The following KCNK17 variants were observed in gnomAD, a reference collection of about 807,000 sequenced individuals.
The protein encoded by KCNK17 is potassium two pore domain channel subfamily K member 17, also known as potassium channel subfamily K member 17.
Under a neutral mutation model 24.6 loss-of-function variants are expected in KCNK17, and 27 were observed. That is an observed-to-expected ratio of 1.10 (90% CI 0.81 to 1.51). The LOEUF is 1.51. Among genes scored for constraint, KCNK17 ranks in the 40% most tolerant of loss-of-function variants. The pLI is 0.00. For missense variants in KCNK17, 450 were observed against 436.6 expected, an observed-to-expected ratio of 1.03 and a Z score of -0.27; for synonymous variants, 181 against 189.8, an observed-to-expected ratio of 0.95 and a Z score of 0.38.
intron 4 of KCNK17, among the ~76,000 whole-genome samples, chr6:39,301,738 A>T (rs1021403201): frequency 1.3e-5 from 2 of 152,212 alleles, no homozygotes; most frequent in African/African-American, 4.8e-5. Flanking sequence ...GGGGAGGAGT[A>T]GCCGGATGGG....
rs896617600 is a variant in KCNK17, at chr6:39,299,196, C to G, written c.*231G>C. On this transcript the variant is annotated 3_prime_UTR_variant, in exon 5 of 5. Coordinates refer to ENST00000373231, the MANE Select transcript of KCNK17 (RefSeq NM_031460.4). ...CCATCATATCGGCGGCATTGCAGCC[C>G]GCTAAAGTAAGGAAGTGGGGGAGAA... The G allele has an allele frequency of 3.8e-6, 2 of 531,382 alleles. No individual in the cohort carries two copies. Among genetic ancestry groups the G allele is most frequent in the Non-Finnish European group, 6.7e-6 (2 of 299,212 alleles). 32.9% of individuals were successfully genotyped at this position (531,382 alleles called of 1,614,324 possible). A position where few individuals can be genotyped will look rare whatever the true frequency, so the allele number is the denominator to read the frequency against.
At chr6:39,300,234 T>C in intron 4 of KCNK17, 1 of 524,814 alleles carries the variant, frequency 1.9e-6, no homozygotes. Flanking sequence ...GCGATTCTCC[T>C]GCCTCAGCCT....
intron 2 of KCNK17, among the ~76,000 whole-genome samples, chr6:39,310,651 C>T (rs1262829865): frequency 6.6e-6 from 1 of 152,124 alleles, no homozygotes; most frequent in Non-Finnish European, 1.5e-5. Context: ...TAGAGCAGTG[C>T]TTGTCAAACT....
In KCNK17 at chr6:39,306,307, G is replaced by A. The variant is rs375564577; in HGVS notation, c.353-1652C>T. 2.1e-3 allele frequency among the ~76,000 whole-genome samples: 320 copies of A among 152,338 alleles called. 3 individuals are homozygous for A. The highest frequency in any genetic ancestry group is 6.8e-3 in the Middle Eastern group (2 of 294). Reference sequence around the variant, plus strand: ...GATCTGCCCGCCTTGGCCTACCAAAGTGCTGGGATTACAGGCGTGAGCCAC... The same window carrying A: ...GATCTGCCCGCCTTGGCCTACCAAAATGCTGGGATTACAGGCGTGAGCCAC... On this transcript the variant is annotated intron_variant, in intron 2 of 4. Transcript: ENST00000373231.
intron 3 of KCNK17, 53 bp downstream of exon 3, chr6:39,304,442 A>T: frequency 6.7e-7 from 1 of 1,488,154 alleles, no homozygotes; most frequent in South Asian, 1.1e-5. Context: ...TTCCCACCAC[A>T]GCCCCTCATT....
intron 2 of KCNK17, among the ~76,000 whole-genome samples, chr6:39,308,011 T>C (rs1189849365): frequency 6.6e-6 from 1 of 152,194 alleles, no homozygotes; most frequent in Non-Finnish European, 1.5e-5. Flanking sequence ...AATGTTACTG[T>C]ATCAGCTTCA....
intron 4 of KCNK17, among the ~76,000 whole-genome samples, chr6:39,302,838 A>C (rs1410591429): frequency 6.6e-6 from 1 of 152,158 alleles, no homozygotes; most frequent in East Asian, 1.9e-4. Context: ...GAGATCCAGA[A>C]GGGGGCAGTG....
intron 1 of KCNK17, among the ~76,000 whole-genome samples, chr6:39,313,360 C>G (rs952189363): frequency 6.6e-5 from 10 of 152,202 alleles, no homozygotes; most frequent in Non-Finnish European, 1.5e-4. Context: ...TCCTTGTGTC[C>G]GAAGACTCGG....
chr6:39,311,698 A>C (rs907626179), intron 1 of KCNK17, among the ~76,000 whole-genome samples: 1 of 152,218 alleles, frequency 6.6e-6, no homozygotes, highest in South Asian at 2.1e-4. Flanking sequence ...CTGGGGAAGA[A>C]GGATGTTCAT....
chr6:39,302,500 G>A (rs1407030953), intron 4 of KCNK17, among the ~76,000 whole-genome samples: 1 of 152,190 alleles, frequency 6.6e-6, no homozygotes, highest in Non-Finnish European at 1.5e-5. Flanking sequence ...AGGGGACAAG[G>A]AGAGAAGCTG....
chr6:39,302,346 T>C (rs1761963171), intron 4 of KCNK17, among the ~76,000 whole-genome samples: 1 of 151,938 alleles, frequency 6.6e-6, no homozygotes, highest in African/African-American at 2.4e-5. Flanking sequence ...GGACTAGATC[T>C]CCTCAGTCAG....
intron 2 of KCNK17, among the ~76,000 whole-genome samples, chr6:39,310,545 T>A (rs182147263): frequency 1.3e-5 from 2 of 152,240 alleles, no homozygotes; most frequent in African/African-American, 2.4e-5. Context: ...TGGGCTCAGC[T>A]GAGGAGACTG....
At position 39,310,925 on chromosome 6, in the gene KCNK17, AAGG is replaced by A; in HGVS notation, c.317_319del (p.Ser106del). 6.2e-7 allele frequency: 1 copy of A among 1,605,810 alleles called. No homozygotes were observed. Among genetic ancestry groups the A allele is most frequent in the South Asian group, 1.1e-5 (1 of 90,616 alleles). ...GGTGATGGTGGACACAGAAAAGAAG[AAGG>A]AGCCCACGAGCTCCCAGCGCCCCAT... On this transcript the variant is annotated inframe_deletion, in exon 2 of 5. Transcript: ENST00000373231.
Position 39,299,582 on chromosome 6 carries a change from T to C in KCNK17, c.844A>G (p.Lys282Glu). ...RVCSCCHHSS[K>E]EDFKSQSWRQ... Reference sequence around the variant, plus strand: ...CAGCTTTGGGACTTGAAGTCTTCCTTAGAGCTGTGGTGGCAGCAGGAACAT... The same window carrying C: ...CAGCTTTGGGACTTGAAGTCTTCCTCAGAGCTGTGGTGGCAGCAGGAACAT... The change falls in exon 5 of 5, where the codon AAG (lysine) becomes GAG (glutamate). Residue 282 changes from lysine (K) to glutamate (E), a missense_variant. Lys to Glu is a moderately conservative substitution (Grantham distance 56, BLOSUM62 1). Coordinates refer to ENST00000373231, the MANE Select transcript of KCNK17 (RefSeq NM_031460.4). 2 of 1,614,062 alleles carry C rather than the reference T, an allele frequency of 1.2e-6. No homozygotes were observed. Among genetic ancestry groups the C allele is most frequent in the South Asian group, 1.1e-5 (1 of 91,074 alleles).
In KCNK17 at chr6:39,299,108, C is replaced by G. The variant is rs368759818; in HGVS notation, c.*319G>C. The stretch of plus-strand genomic sequence containing the variant: ...CATCAGAGATCCAGACTCTTCCTAT[C>G]TTATTGTGCCGCTCAAACATTGCCG... On this transcript the variant is annotated 3_prime_UTR_variant, in exon 5 of 5. Coordinates refer to ENST00000373231, the MANE Select transcript of KCNK17 (RefSeq NM_031460.4). 2.8e-6 allele frequency: 1 copy of G among 354,456 alleles called. No individual in the cohort carries two copies. Among genetic ancestry groups the G allele is most frequent in the South Asian group, 4.0e-5 (1 of 24,730 alleles). 22.0% of individuals were successfully genotyped at this position (354,456 alleles called of 1,614,324 possible). A position where few individuals can be genotyped will look rare whatever the true frequency, so the allele number is the denominator to read the frequency against.
At position 39,310,779 on chromosome 6, in the gene KCNK17, C is replaced by A. The variant is rs1340194967; in HGVS notation, c.352+114G>T. The stretch of plus-strand genomic sequence containing the variant: ...GTGTCCATGCTGCAGAGCTGAACTG[C>A]ACTTGGAGTCATGAGACTCCAGGTA... On this transcript the variant is annotated intron_variant, in intron 2 of 4. Transcript: ENST00000373231. 4.5e-6 allele frequency: 3 copies of A among 663,326 alleles called. No individual in the cohort carries two copies. The Admixed American group carries it at 8.9e-5, about 20-fold the overall frequency. 41.1% of individuals were successfully genotyped at this position (663,326 alleles called of 1,614,324 possible).
chr6:39,313,744 G>GCT (rs1217028945), intron 1 of KCNK17, among the ~76,000 whole-genome samples: 1 of 151,492 alleles, frequency 6.6e-6, no homozygotes, highest in Non-Finnish European at 1.5e-5. Context: ...TTACGCGCGC[G>GCT]CCCCCTGCCG....
At chr6:39,304,280 T>A in intron 3 of KCNK17, 149 bp from the exon 4 acceptor site, 1 of 836,548 alleles carries the variant, frequency 1.2e-6, no homozygotes, top group Non-Finnish European at 1.8e-6. Flanking sequence ...CTGGAGCCTG[T>A]GCCTCATGTC....
intron 2 of KCNK17, among the ~76,000 whole-genome samples, chr6:39,307,433 T>C (rs1762055276): frequency 6.6e-6 from 1 of 152,100 alleles, no homozygotes; most frequent in South Asian, 2.1e-4. Context: ...AACCTCTTAC[T>C]TTCCACCCAC....
Sources: allele counts gnomAD v4.1 joint callset (sites outside exome capture counted in the v4.1 genomes callset), GRCh38; gene constraint gnomAD v4.1.1; transcripts MANE v1.5; gene names NCBI Gene and HGNC (gene_info 2026-07-23, HGNC 2026-07-21).